The following RAB40B variants were observed in gnomAD, a reference collection of about 807,000 sequenced individuals.
The protein encoded by RAB40B is ras-related protein Rab-40B.
Under a neutral mutation model 24.0 loss-of-function variants are expected in RAB40B, and 21 were observed. That is an observed-to-expected ratio of 0.88 (90% CI 0.62 to 1.26). The LOEUF (loss-of-function observed/expected upper bound fraction) is 1.26. Ranked by LOEUF, RAB40B falls within the 50% of genes most tolerant of loss-of-function variation. The pLI, the probability that RAB40B is intolerant of heterozygous loss-of-function variation, is 0.00. For missense variants in RAB40B, 348 were observed against 390.5 expected (o/e 0.89, Z 0.92); for synonymous variants, 167 against 169.8 (o/e 0.98, Z 0.13).
At chr17:82,683,676 G>A (rs1477256907) in intron 1 of RAB40B, among the ~76,000 whole-genome samples, 2 of 151,958 alleles carry the variant, frequency 1.3e-5, no homozygotes, top group African/African-American at 4.8e-5. Context: ...GCCTGGTGGT[G>A]TGCACTTGGA....
chr17:82,673,995 A>G (rs1286506830), intron 1 of RAB40B, among the ~76,000 whole-genome samples: 2 of 152,172 alleles, frequency 1.3e-5, no homozygotes, highest in South Asian at 2.1e-4. Context: ...ATTGTTTTCA[A>G]TGTCCAAGAT....
At chr17:82,665,983 A>G (rs551237297) in intron 1 of RAB40B, among the ~76,000 whole-genome samples, 2 of 151,898 alleles carry the variant, frequency 1.3e-5, no homozygotes, top group South Asian at 2.1e-4. Context: ...CAGTAGCACA[A>G]TCACAGCTGA....
chr17:82,671,044 ATTCCTAC>A (rs2046324887), intron 1 of RAB40B, among the ~76,000 whole-genome samples: 1 of 151,858 alleles, frequency 6.6e-6, no homozygotes, highest in Non-Finnish European at 1.5e-5. Context: ...ACATACTTAC[ATTCCTAC>A]TTCCTGACAT....
chr17:82,684,231 A>AAG (rs1299841450), intron 1 of RAB40B, among the ~76,000 whole-genome samples: 1 of 151,400 alleles, frequency 6.6e-6, no homozygotes, highest in East Asian at 1.9e-4. Flanking sequence ...AAAAAAAAAA[A>AAG]AAAAAAATTA....
chr17:82,660,165 T>C (rs1176913901), intron 3 of RAB40B, among the ~76,000 whole-genome samples: 1 of 149,698 alleles, frequency 6.7e-6, no homozygotes, highest in East Asian at 2.0e-4. Context: ...ACACAGTGCA[T>C]ACCTGCACAC....
At position 82,667,044 on chromosome 17, in the gene RAB40B, G is replaced by A. The variant is rs1342715271; in HGVS notation, c.143-2488C>T. Among the ~76,000 whole-genome samples, 2 of 152,222 alleles carry A rather than the reference G, an allele frequency of 1.3e-5. No homozygotes were observed. Among genetic ancestry groups the A allele is most frequent in the South Asian group, 2.1e-4 (1 of 4,836 alleles). On this transcript the variant is annotated intron_variant, in intron 1 of 5. Transcript: ENST00000571995. The surrounding 1 kb of genome is among the most constrained non-coding windows in gnomAD (Gnocchi z 4.3). ...CGCACCAGACCTCACCCTGGAGACCGTCGTGGAGCACACGGCCTCTGCAGC... is the reference window on the plus strand; with the variant it reads ...CGCACCAGACCTCACCCTGGAGACCATCGTGGAGCACACGGCCTCTGCAGC...
intron 1 of RAB40B, among the ~76,000 whole-genome samples, chr17:82,672,845 A>C (rs1409949702): frequency 6.6e-6 from 1 of 152,206 alleles, no homozygotes; most frequent in African/African-American, 2.4e-5. Flanking sequence ...CAGCTGAACC[A>C]CCATATGGTA....
rs1460396222 is a variant in RAB40B at position 82,667,831 on chromosome 17, CCT to C, written c.143-3277_143-3276del. Among the ~76,000 whole-genome samples, 2 of 152,200 alleles carry C rather than the reference CCT, an allele frequency of 1.3e-5. No homozygotes were observed. Among genetic ancestry groups the C allele is most frequent in the Admixed American group, 1.3e-4 (2 of 15,276 alleles). On this transcript the variant is annotated intron_variant, in intron 1 of 5. Transcript: ENST00000571995. This position sits in a 1 kb window ranked among gnomAD's most constrained non-coding sequence, Gnocchi z 4.3. ...CTCAGACAGAGCGGCCAAGCAGTCCCCTGACCCACCCAGTACGAGGCTTTCCT... is the reference window on the plus strand; with the variant it reads ...CTCAGACAGAGCGGCCAAGCAGTCCCGACCCACCCAGTACGAGGCTTTCCT...
At chr17:82,660,344 C>T (rs997679636) in intron 3 of RAB40B, among the ~76,000 whole-genome samples, 6 of 151,070 alleles carry the variant, frequency 4.0e-5, no homozygotes, top group East Asian at 2.0e-4. Flanking sequence ...CGTACCTGCA[C>T]GCACGTGTAC....
chr17:82,696,556 G>T (rs930018488), intron 1 of RAB40B: 4 of 170,056 alleles, frequency 2.4e-5, no homozygotes, highest in South Asian at 9.8e-5. Flanking sequence ...TGCAGACAAA[G>T]CCCTGTCCTC....
chr17:82,686,247 G>A (rs71376517), intron 1 of RAB40B, among the ~76,000 whole-genome samples: 2 of 151,692 alleles, frequency 1.3e-5, no homozygotes, highest in Non-Finnish European at 2.9e-5. Flanking sequence ...AAGCAGCTGA[G>A]ATAACAGGCA....
rs1044372989 is a variant in RAB40B, at chr17:82,675,493, G to T, written c.143-10937C>A. Reference sequence around the variant, plus strand: ...TACCCCATACTTCAGAACTGGGGGTGGGGCAGGGTAGGGTAGTACCTTAGC... The same window carrying T: ...TACCCCATACTTCAGAACTGGGGGTTGGGCAGGGTAGGGTAGTACCTTAGC... On this transcript the variant is annotated intron_variant, in intron 1 of 5. Transcript: ENST00000571995. This position sits in a 1 kb window ranked among gnomAD's most constrained non-coding sequence, Gnocchi z 4.5. Among the ~76,000 whole-genome samples, 6 of 152,182 alleles carry T rather than the reference G, an allele frequency of 3.9e-5. 1 individual carries two copies. Among genetic ancestry groups the T allele is most frequent in the African/African-American group, 1.4e-4 (6 of 41,430 alleles).
chr17:82,698,107 G>A (rs2046630571), intron 1 of RAB40B, among the ~76,000 whole-genome samples: 2 of 151,992 alleles, frequency 1.3e-5, no homozygotes, highest in Admixed American at 1.3e-4. Context: ...CAGGTCGGGA[G>A]GAGCCCAGCG....
intron 1 of RAB40B, among the ~76,000 whole-genome samples, chr17:82,693,608 C>T (rs1469398825): frequency 6.6e-6 from 1 of 152,178 alleles, no homozygotes; most frequent in Admixed American, 6.5e-5. Context: ...ATGTTCATGG[C>T]AGAACAAACC....
chr17:82,671,233 A>G (rs2046327892), intron 1 of RAB40B, among the ~76,000 whole-genome samples: 1 of 151,004 alleles, frequency 6.6e-6, no homozygotes. Context: ...CCCTGTACTC[A>G]CTGACACACC....
chr17:82,676,933 T>A (rs1334841753), intron 1 of RAB40B, among the ~76,000 whole-genome samples: 1 of 110,568 alleles, frequency 9.0e-6, no homozygotes, highest in Non-Finnish European at 2.0e-5. Flanking sequence ...GCCGGTAGCC[T>A]ACTAATTTAT....
intron 1 of RAB40B, among the ~76,000 whole-genome samples, chr17:82,677,928 GTC>G (rs1318121314): frequency 6.6e-6 from 1 of 152,222 alleles, no homozygotes; most frequent in African/African-American, 2.4e-5. Context: ...CTCATTTCAA[GTC>G]TCTCTTTTTT....
At chr17:82,684,118 G>C (rs918669938) in intron 1 of RAB40B, among the ~76,000 whole-genome samples, 1 of 151,696 alleles carries the variant, frequency 6.6e-6, no homozygotes, top group African/African-American at 2.4e-5. Flanking sequence ...CTACTCGGGA[G>C]GCTGAGGCAG....
intron 3 of RAB40B, among the ~76,000 whole-genome samples, chr17:82,660,217 A>G (rs2046147446): frequency 2.0e-5 from 3 of 152,046 alleles, no homozygotes; most frequent in South Asian, 4.2e-4. Flanking sequence ...GCACAGATGC[A>G]CACACAGTGC....
Sources: gnomAD v4.1 joint callset for allele counts (sites outside exome capture counted in the v4.1 genomes callset) on GRCh38, gnomAD v4.1.1 for gene constraint, Gnocchi (gnomAD v3.1) non-coding constraint, MANE v1.5 for transcripts, NCBI Gene and HGNC (gene_info 2026-07-23, HGNC 2026-07-21) for gene names.